The following PRKG2 variants were observed in gnomAD, a reference collection of about 807,000 sequenced individuals.
The protein encoded by PRKG2 is cGMP-dependent protein kinase 2.
A neutral mutation model predicts 97.2 loss-of-function variants in PRKG2; 33 were observed. The observed-to-expected ratio is 0.34, with a 90% confidence interval of 0.26 to 0.45. The LOEUF (loss-of-function observed/expected upper bound fraction) is 0.45, where lower values mean the gene tolerates loss of function less well. Ranked by LOEUF, PRKG2 falls within the 20% of genes least tolerant of loss-of-function variation. The pLI, the probability that PRKG2 is intolerant of heterozygous loss-of-function variation, is 1.00. For missense variants in PRKG2, 638 were observed against 900.0 expected (o/e 0.71, Z 3.73); for synonymous variants, 330 against 321.8 (o/e 1.03, Z -0.27).
chr4:81,147,757 A>G (rs1747999696), intron 9 of PRKG2, among the ~76,000 whole-genome samples: 1 of 152,138 alleles, frequency 6.6e-6, no homozygotes, highest in African/African-American at 2.4e-5. Flanking sequence ...GTATCTGTAG[A>G]GGAGAGAATT....
At chr4:81,133,093 AACTTGGGC>A (rs1414977707) in intron 14 of PRKG2, among the ~76,000 whole-genome samples, 1 of 152,028 alleles carries the variant, frequency 6.6e-6, no homozygotes, top group Non-Finnish European at 1.5e-5. Context: ...GATTCTTGGG[AACTTGGGC>A]ATGCCACCAA....
At chr4:81,096,414 T>C (rs1742120799) in intron 17 of PRKG2, among the ~76,000 whole-genome samples, 1 of 152,048 alleles carries the variant, frequency 6.6e-6, no homozygotes, top group African/African-American at 2.4e-5. Flanking sequence ...CATGCACCCA[T>C]AGTTCCAGCT....
Position 81,148,910 on chromosome 4 carries a change from A to G in PRKG2, c.1128T>C (p.Asp376=). The G allele has an allele frequency of 6.2e-7, 1 of 1,613,820 alleles. No individual in the cohort carries two copies. The highest frequency in any genetic ancestry group is 1.1e-5 in the South Asian group (1 of 91,080). The stretch of plus-strand genomic sequence containing the variant: ...CTCGATCTATAACCAGGCATGCAAC[A>G]TCATTTTCTTCAGCAATAATGTTAG... ...RSANIIAEEN[D]VACLVIDRET... Residue 376 remains aspartate, a synonymous_variant, in exon 9 of 19, where the codon GAT becomes GAC. Transcript: ENST00000264399.
At position 81,122,849 on chromosome 4, in the gene PRKG2, G is replaced by A. The variant is rs147268042; in HGVS notation, c.1777-12238C>T. Among the ~76,000 whole-genome samples, 439 of 152,302 alleles carry A rather than the reference G, an allele frequency of 2.9e-3. 2 individuals carry two copies. Among genetic ancestry groups the A allele is most frequent in the African/African-American group, 0.01 (423 of 41,578 alleles). ...TGTCCATCACCCAGATGGAAGTCCTGTTGTACTGCCACAGGGCGCACCCCA... is the reference window on the plus strand; with the variant it reads ...TGTCCATCACCCAGATGGAAGTCCTATTGTACTGCCACAGGGCGCACCCCA... On this transcript the variant is annotated intron_variant, in intron 14 of 18. Transcript: ENST00000264399.
chr4:81,153,745 A>C, intron 6 of PRKG2, 24 bp from the exon 7 acceptor site: 2 of 1,558,786 alleles, frequency 1.3e-6, no homozygotes, highest in Non-Finnish European at 1.8e-6. Context: ...AGAGAAAGAA[A>C]ATGTAAGAGC....
intron 2 of PRKG2, among the ~76,000 whole-genome samples, chr4:81,202,071 G>A (rs1210559297): frequency 6.6e-6 from 1 of 152,148 alleles, no homozygotes; most frequent in Non-Finnish European, 1.5e-5. Context: ...GGAACTGCTT[G>A]GAAAAGTAGA....
chr4:81,208,833 A>G (rs1753817000), intron 1 of PRKG2, among the ~76,000 whole-genome samples: 1 of 152,174 alleles, frequency 6.6e-6, no homozygotes, highest in Non-Finnish European at 1.5e-5. Context: ...TTCCCCACCA[A>G]AAGATGGAGA....
chr4:81,213,789 T>G (rs1233666719), intron 1 of PRKG2, among the ~76,000 whole-genome samples: 1 of 152,138 alleles, frequency 6.6e-6, no homozygotes, highest in Non-Finnish European at 1.5e-5. Context: ...ACATATGCCT[T>G]CACTGTGAGG....
At chr4:81,169,569 G>GTA in intron 5 of PRKG2, 94 bp downstream of exon 5, 1 of 903,528 alleles carries the variant, frequency 1.1e-6, no homozygotes, top group South Asian at 1.6e-5. Context: ...TTAAATGGAA[G>GTA]TAGCTATAGT....
At chr4:81,106,790 C>T (rs1315788680) in intron 15 of PRKG2, among the ~76,000 whole-genome samples, 2 of 152,150 alleles carry the variant, frequency 1.3e-5, no homozygotes, top group Non-Finnish European at 2.9e-5. Context: ...GTGAAGCCCT[C>T]ATGAATGGGA....
At chr4:81,129,281 T>C (rs567118042) in intron 14 of PRKG2, among the ~76,000 whole-genome samples, 4 of 152,300 alleles carry the variant, frequency 2.6e-5, no homozygotes, top group African/African-American at 7.2e-5. Flanking sequence ...AGAATAAATA[T>C]TCTGTTGACT....
At chr4:81,094,441 C>T (rs147086064) in intron 17 of PRKG2, among the ~76,000 whole-genome samples, 127 of 151,918 alleles carry the variant, frequency 8.4e-4, no homozygotes, top group Non-Finnish European at 1.7e-3. Context: ...TTTTTTAATT[C>T]TAAGAATATA....
At position 81,103,061 on chromosome 4, in the gene PRKG2, T is replaced by C. The variant is rs574635493; in HGVS notation, c.2126+1309A>G. ...GTGAATCATGAGCAAAATGAAAACA[T>C]CTTAAAGATGGCAGTAGTTATCCAA... is the stretch of plus-strand genomic sequence containing the variant. On this transcript the variant is annotated intron_variant, in intron 17 of 18. Coordinates refer to ENST00000264399, the MANE Select transcript of PRKG2 (RefSeq NM_006259.3). 3.3e-5 allele frequency among the ~76,000 whole-genome samples: 5 copies of C among 152,354 alleles called. No homozygotes were observed. In the South Asian group the frequency reaches 1.0e-3, roughly 32 times the overall value.
At chr4:81,163,470 T>A (rs551633823) in intron 6 of PRKG2, among the ~76,000 whole-genome samples, 1 of 152,156 alleles carries the variant, frequency 6.6e-6, no homozygotes, top group Non-Finnish European at 1.5e-5. Flanking sequence ...GTACTCCCAA[T>A]ACACACACAA....
At chr4:81,126,446 C>A (rs569630146) in intron 14 of PRKG2, among the ~76,000 whole-genome samples, 1 of 152,178 alleles carries the variant, frequency 6.6e-6, no homozygotes, top group Non-Finnish European at 1.5e-5. Context: ...CTTGAGGAAT[C>A]GCCATACTGT....
At chr4:81,184,210 C>T (rs1262246626) in intron 2 of PRKG2, among the ~76,000 whole-genome samples, 1 of 152,186 alleles carries the variant, frequency 6.6e-6, no homozygotes, top group African/African-American at 2.4e-5. Context: ...GGAGACACCT[C>T]CCAGCAGGGG....
chr4:81,107,992 G>A (rs910414891), intron 15 of PRKG2, among the ~76,000 whole-genome samples: 4 of 151,952 alleles, frequency 2.6e-5, no homozygotes, highest in African/African-American at 9.6e-5. Context: ...ATTACCTGAG[G>A]TTAGAAGTTC....
rs1743291441 is a variant in PRKG2 at position 81,105,951 on chromosome 4, C to G, written c.1941-16G>C. On this transcript the variant is annotated splice_polypyrimidine_tract_variant and intron_variant, in intron 15 of 18. Coordinates refer to ENST00000264399, the MANE Select transcript of PRKG2 (RefSeq NM_006259.3). ...AAAGGGTGGGCTAGATAGAGAAAATCCAGAACAGGACACATTAATAACAGG... is the reference window on the plus strand; with the variant it reads ...AAAGGGTGGGCTAGATAGAGAAAATGCAGAACAGGACACATTAATAACAGG... The G allele has an allele frequency of 6.2e-7, 1 of 1,612,230 alleles. No homozygotes were observed. The highest frequency in any genetic ancestry group is 8.5e-7 in the Non-Finnish European group (1 of 1,178,920).
intron 17 of PRKG2, among the ~76,000 whole-genome samples, chr4:81,104,063 A>AAAC (rs1560537843): frequency 1.1e-4 from 17 of 149,048 alleles, no homozygotes; most frequent in African/African-American, 4.3e-4. Flanking sequence ...AACAAACAAA[A>AAAC]AAACCTAAAG....
Sources: gnomAD v4.1 joint callset for allele counts (sites outside exome capture counted in the v4.1 genomes callset) on GRCh38, gnomAD v4.1.1 for gene constraint, MANE v1.5 for transcripts, NCBI Gene and HGNC (gene_info 2026-07-23, HGNC 2026-07-21) for gene names.